The following TRMT11 variants were observed in gnomAD, a reference collection of about 807,000 sequenced individuals.
The protein encoded by TRMT11 is tRNA methyltransferase 11.
Under a neutral mutation model 62.8 loss-of-function variants are expected in TRMT11, and 53 were observed. The ratio of observed to expected loss-of-function variants is 0.84; its 90% CI spans 0.68 to 1.06. The LOEUF (loss-of-function observed/expected upper bound fraction) is 1.06. TRMT11 is among the 50% of genes least tolerant of loss of function. The pLI, the probability that TRMT11 is intolerant of heterozygous loss-of-function variation, is 0.00. For synonymous variants in TRMT11, 188 were observed against 190.3 expected (o/e 0.99, Z 0.10); for missense variants, 556 against 553.4 (o/e 1.00, Z -0.05).
chr6:126,018,355 G>A (rs1227985926), intron 11 of TRMT11, among the ~76,000 whole-genome samples: 1 of 151,988 alleles, frequency 6.6e-6, no homozygotes, highest in African/African-American at 2.4e-5. Context: ...TCTCAAATGG[G>A]AGCTGAAATT....
chr6:126,182,652 A>G (rs1462141612), intron 1 of TRMT11, among the ~76,000 whole-genome samples: 1 of 151,846 alleles, frequency 6.6e-6, no homozygotes, highest in Non-Finnish European at 1.5e-5. Context: ...CTTGTACAAT[A>G]CTATACTACA....
chr6:126,098,862 GA>G (rs929476866), intron 17 of TRMT11, among the ~76,000 whole-genome samples: 2 of 152,136 alleles, frequency 1.3e-5, no homozygotes, highest in African/African-American at 4.8e-5. Flanking sequence ...CCACAAAGGG[GA>G]TTTTTTTTAA....
At chr6:126,189,323 G>A (rs1378666075) in intron 1 of TRMT11, among the ~76,000 whole-genome samples, 1 of 152,208 alleles carries the variant, frequency 6.6e-6, no homozygotes, top group East Asian at 1.9e-4. Context: ...CATATTGTAG[G>A]TATTCACTAA....
intron 7 of TRMT11, among the ~76,000 whole-genome samples, chr6:126,003,686 T>C (rs1792887564): frequency 6.6e-6 from 1 of 152,090 alleles, no homozygotes; most frequent in South Asian, 2.1e-4. Flanking sequence ...CTTTGATTTG[T>C]CTTTTTTTGT....
At chr6:126,164,657 T>C (rs6904620) in intron 21 of TRMT11, among the ~76,000 whole-genome samples, 48,541 of 152,038 alleles carry the variant, frequency 0.32, 9,397 homozygotes, top group African/African-American at 0.55. Context: ...TCTGGGTGCT[T>C]CTGTATTGGG....
the TRMT11 span, among the ~76,000 whole-genome samples, chr6:126,248,086 A>T: frequency 7.9e-5 from 12 of 152,152 alleles, no homozygotes; most frequent in Admixed American, 3.9e-4. Context: ...ACAACCTATA[A>T]GTAAACGCCC....
chr6:126,202,903 G>T (rs1331876427), downstream of TRMT11, among the ~76,000 whole-genome samples: 1 of 152,148 alleles, frequency 6.6e-6, no homozygotes, highest in Non-Finnish European at 1.5e-5. Flanking sequence ...ATAGAATTAG[G>T]ATGATTTTTT....
At chr6:125,987,593 A>G (rs187058929) in intron 1 of TRMT11, among the ~76,000 whole-genome samples, 33 of 152,312 alleles carry the variant, frequency 2.2e-4, no homozygotes, top group Non-Finnish European at 3.8e-4. Context: ...TGAGCCAGAG[A>G]CTAGGAGTCT....
At chr6:126,099,032 T>C (rs1777368750) in intron 17 of TRMT11, among the ~76,000 whole-genome samples, 2 of 152,238 alleles carry the variant, frequency 1.3e-5, no homozygotes, top group South Asian at 4.1e-4. Flanking sequence ...GGATTAAATC[T>C]ACCTAGGAGT....
chr6:126,110,707 C>T (rs929565897), intron 17 of TRMT11, among the ~76,000 whole-genome samples: 44 of 152,152 alleles, frequency 2.9e-4, no homozygotes, highest in Middle Eastern at 3.4e-3. Flanking sequence ...TGCACACACA[C>T]GTGCATACAA....
the TRMT11 span, chr6:126,258,225 T>G: frequency 3.1e-6 from 2 of 637,834 alleles, no homozygotes; most frequent in East Asian, 3.7e-5. Context: ...ACTGGGCCCT[T>G]ATCGTCTGTG....
At chr6:126,251,012 GTT>G in the TRMT11 span, among the ~76,000 whole-genome samples, 1 of 132,292 alleles carries the variant, frequency 7.6e-6, no homozygotes. Context: ...ATCCCAATTT[GTT>G]TTTTTTTTTT....
intron 17 of TRMT11, among the ~76,000 whole-genome samples, chr6:126,068,979 G>T (rs982101606): frequency 5.2e-4 from 79 of 152,222 alleles, no homozygotes; most frequent in African/African-American, 1.8e-3. Context: ...GCCAGCAGTT[G>T]TCCAGGCTTG....
the TRMT11 span, among the ~76,000 whole-genome samples, chr6:126,210,451 T>G: frequency 6.6e-6 from 1 of 152,204 alleles, no homozygotes; most frequent in Non-Finnish European, 1.5e-5. Flanking sequence ...ATTGCAGCTA[T>G]GTAAAACCCT....
At chr6:126,077,007 G>C (rs1407604578) in intron 17 of TRMT11, among the ~76,000 whole-genome samples, 1 of 152,128 alleles carries the variant, frequency 6.6e-6, no homozygotes, top group Non-Finnish European at 1.5e-5. Flanking sequence ...GTTTTCTCTG[G>C]CCATGGCAGC....
At chr6:126,023,835 T>A (rs537895317) in intron 12 of TRMT11, among the ~76,000 whole-genome samples, 1 of 152,348 alleles carries the variant, frequency 6.6e-6, no homozygotes, top group Non-Finnish European at 1.5e-5. Context: ...TTTATGCCAG[T>A]TATATTTGTT....
At chr6:126,006,256 A>G (rs1793328516) in intron 7 of TRMT11, among the ~76,000 whole-genome samples, 1 of 152,006 alleles carries the variant, frequency 6.6e-6, no homozygotes, top group Non-Finnish European at 1.5e-5. Flanking sequence ...TTTTTTAAAA[A>G]AGATAAAATA....
At chr6:126,117,351 T>C (rs6903994) in intron 21 of TRMT11, among the ~76,000 whole-genome samples, 15,754 of 152,108 alleles carry the variant, frequency 0.1, 1,016 homozygotes, top group African/African-American at 0.19. Flanking sequence ...AATAGTCTCA[T>C]CTGCTTTTCT....
chr6:126,070,929 A>T (rs1168080767), intron 17 of TRMT11, among the ~76,000 whole-genome samples: 1 of 152,208 alleles, frequency 6.6e-6, no homozygotes, highest in Non-Finnish European at 1.5e-5. Context: ...CCACTACGCC[A>T]TTCGCTGTGC....
Sources: allele counts gnomAD v4.1 joint callset (sites outside exome capture counted in the v4.1 genomes callset), GRCh38; gene constraint gnomAD v4.1.1; transcripts MANE v1.5; gene names NCBI Gene and HGNC (gene_info 2026-07-23, HGNC 2026-07-21).